ILDR2: variants seen among roughly 807,000 people sequenced by gnomAD.
ILDR2 encodes the protein immunoglobulin like domain containing receptor 2, also known as immunoglobulin-like domain-containing receptor 2.
Under a neutral mutation model 66.8 loss-of-function variants are expected in ILDR2, and 25 were observed. That is an observed-to-expected ratio of 0.37 (90% CI 0.27 to 0.52). The LOEUF (loss-of-function observed/expected upper bound fraction) is 0.52. Among genes scored for constraint, ILDR2 ranks in the 20% least tolerant of loss-of-function variants. The pLI is 0.88. For synonymous variants in ILDR2, 367 were observed against 357.2 expected, an observed-to-expected ratio of 1.03 and a Z score of -0.31; for missense variants, 827 against 876.8, an observed-to-expected ratio of 0.94 and a Z score of 0.72.
At chr1:166,961,274 T>C (rs970890516) in intron 1 of ILDR2, among the ~76,000 whole-genome samples, 2 of 152,180 alleles carry the variant, frequency 1.3e-5, no homozygotes, top group Non-Finnish European at 2.9e-5. Context: ...GTTTGGGGTT[T>C]TGTTCATTAG....
At chr1:166,942,221 G>A (rs904305337) in intron 3 of ILDR2, among the ~76,000 whole-genome samples, 2 of 152,140 alleles carry the variant, frequency 1.3e-5, no homozygotes, top group Non-Finnish European at 2.9e-5. Flanking sequence ...TTCTAGTTTG[G>A]ACAATTAATT....
intron 1 of ILDR2, among the ~76,000 whole-genome samples, chr1:166,960,997 A>T (rs1662579068): frequency 6.6e-6 from 1 of 152,226 alleles, no homozygotes; most frequent in Non-Finnish European, 1.5e-5. Flanking sequence ...ATAACCACTC[A>T]CAGGCACCAT....
Position 166,917,927 on chromosome 1 carries a change from C to G in ILDR2, c.*1428G>C, listed in dbSNP as rs1300186389. 1 of 152,150 alleles carries G rather than the reference C, an allele frequency of 6.6e-6. No homozygotes were observed. Among genetic ancestry groups the G allele is most frequent in the Non-Finnish European group, 1.5e-5 (1 of 68,044 alleles). 9.4% of individuals were successfully genotyped at this position (152,150 alleles called of 1,614,324 possible). ...GTAGTTGCAAGGTTCCCAAGAGCAG[C>G]AAAAGAGGACAAGCCCCATGCACAA... On this transcript the variant is annotated 3_prime_UTR_variant, in exon 10 of 10. Coordinates refer to ENST00000271417, the MANE Select transcript of ILDR2 (RefSeq NM_199351.3).
In ILDR2 at chr1:166,909,781, T is replaced by TATAAATATATATAAATATA. The variant is rs1557921377; in HGVS notation, c.*9573_*9574insTATATTTATATATATTTAT. 1.6e-5 allele frequency: 1 copy of TATAAATATATATAAATATA among 64,246 alleles called. No individual in the cohort carries two copies. The highest frequency in any genetic ancestry group is 1.6e-4 in the Admixed American group (1 of 6,336). The allele number at this position is 64,246 out of a possible 1,614,324, so 4.0% of individuals were successfully genotyped here. On this transcript the variant is annotated 3_prime_UTR_variant, in exon 10 of 10. Transcript: ENST00000271417. ...TATAAATATATATAAATATATATAT[T>TATAAATATATATAAATATA]TATATATATATATATATATATATAT... is the stretch of plus-strand genomic sequence containing the variant.
intron 2 of ILDR2, among the ~76,000 whole-genome samples, chr1:166,898,893 TAA>T (rs36031893): frequency 2.2e-5 from 3 of 137,728 alleles, no homozygotes; most frequent in African/African-American, 2.7e-5. Context: ...GATCCCATCT[TAA>T]AAAAAAAAAA....
chr1:166,919,045 A>T lies in ILDR2; in HGVS notation c.*310T>A. ...AGAGCTAACTCTCTTTCAGAATTGC[A>T]AATGGAGTCCTGGTTCTGTTAAGGG... On this transcript the variant is annotated 3_prime_UTR_variant, in exon 10 of 10. Coordinates refer to ENST00000271417, the MANE Select transcript of ILDR2 (RefSeq NM_199351.3). The T allele has an allele frequency of 2.2e-6, 1 of 445,668 alleles. No homozygotes were observed. Among genetic ancestry groups the T allele is most frequent in the East Asian group, 3.3e-5 (1 of 30,520 alleles). 27.6% of individuals were successfully genotyped at this position (445,668 alleles called of 1,614,324 possible).
intron 4 of ILDR2, among the ~76,000 whole-genome samples, chr1:166,937,992 A>G (rs1245970861): frequency 6.6e-6 from 1 of 152,212 alleles, no homozygotes; most frequent in Non-Finnish European, 1.5e-5. Flanking sequence ...TTTAGATCAT[A>G]ATTTCCTCAG....
chr1:166,946,036 A>G (rs1341556801), intron 3 of ILDR2, among the ~76,000 whole-genome samples: 1 of 152,086 alleles, frequency 6.6e-6, no homozygotes, highest in Admixed American at 6.5e-5. Context: ...TCATCTCCTA[A>G]CCCTCCAAAA....
At chr1:166,958,974 T>C (rs1662447997) in intron 1 of ILDR2, among the ~76,000 whole-genome samples, 1 of 152,164 alleles carries the variant, frequency 6.6e-6, no homozygotes, top group Admixed American at 6.5e-5. Flanking sequence ...CTAGTTCCTC[T>C]TACCGCCTCA....
At chr1:166,902,101 A>G (rs894009407) in intron 2 of ILDR2, among the ~76,000 whole-genome samples, 1 of 152,152 alleles carries the variant, frequency 6.6e-6, no homozygotes, top group African/African-American at 2.4e-5. Flanking sequence ...CTCAGGTGAT[A>G]CACCCGCCTT....
In ILDR2 at chr1:166,936,814, C is replaced by T. The variant is rs551639808; in HGVS notation, c.557-77G>A. 23 of 1,432,868 alleles carry T rather than the reference C, an allele frequency of 1.6e-5. No individual in the cohort carries two copies. Among genetic ancestry groups the T allele is most frequent in the South Asian group, 6.0e-5 (5 of 83,120 alleles). The allele number at this position is 1,432,868 out of a possible 1,614,324, so 88.8% of individuals were successfully genotyped here. A position where few individuals can be genotyped will look rare whatever the true frequency, so the allele number is the denominator to read the frequency against. ...AGGGTGCACTTTGATTGGCATCTCC[C>T]GGTGAAAGGGGGAGAGGAGGAGGGA... On this transcript the variant is annotated intron_variant, in intron 4 of 9. Transcript: ENST00000271417. This position sits in a 1 kb window ranked among gnomAD's most constrained non-coding sequence, Gnocchi z 5.0.
intron 3 of ILDR2, among the ~76,000 whole-genome samples, chr1:166,944,581 G>A (rs1334591865): frequency 3.3e-5 from 5 of 152,110 alleles, no homozygotes; most frequent in Non-Finnish European, 7.4e-5. Context: ...CATTGTCTTT[G>A]CACATTTCAC....
rs1445930115 is a variant in ILDR2 at position 166,915,678 on chromosome 1, A to G, written c.*3677T>C. On this transcript the variant is annotated 3_prime_UTR_variant, in exon 10 of 10. Transcript: ENST00000271417. ...GTGAGGGGCGGTGGTAAATTACAAC[A>G]GTATCTGTGACTTCAGCTTCTCTCA... The G allele has an allele frequency of 6.6e-6, 1 of 152,216 alleles. No individual in the cohort carries two copies. The highest frequency in any genetic ancestry group is 1.5e-5 in the Non-Finnish European group (1 of 68,048). The allele number at this position is 152,216 out of a possible 1,614,324, so 9.4% of individuals were successfully genotyped here.
rs759364500 is a variant in ILDR2 at position 166,921,319 on chromosome 1, G to C, written c.1272C>G (p.Ala424=). 1.3e-6 allele frequency: 2 copies of C among 1,589,888 alleles called. No individual in the cohort carries two copies. The highest frequency in any genetic ancestry group is 2.3e-5 in the East Asian group (1 of 43,912). ...AGGCCGCCAGCTCGTCCATGGAAAC[G>C]GCCGGCACCCCCGTGGCGAAGTTCT... is the stretch of plus-strand genomic sequence containing the variant. ...SRKNFATGVP[A]VSMDELAAFA... Residue 424 remains alanine (A), a synonymous_variant, in exon 9 of 10, where the codon GCC becomes GCG. Transcript: ENST00000271417. The surrounding 1 kb of genome is among the most constrained non-coding windows in gnomAD (Gnocchi z 5.3).
At chr1:166,922,541 T>A in intron 8 of ILDR2, 52 bp downstream of exon 8, 1 of 1,491,370 alleles carries the variant, frequency 6.7e-7, no homozygotes. Context: ...CTACCCTGCC[T>A]TCCAGCTCCT....
In ILDR2 at chr1:166,936,767, C is replaced by T. The variant is rs775140508; in HGVS notation, c.557-30G>A. 28 of 1,612,022 alleles carry T rather than the reference C, an allele frequency of 1.7e-5. No homozygotes were observed. In the East Asian group the frequency reaches 2.7e-4, roughly 15 times the overall value. On this transcript the variant is annotated intron_variant, in intron 4 of 9. Transcript: ENST00000271417. This position sits in a 1 kb window ranked among gnomAD's most constrained non-coding sequence, Gnocchi z 5.0. ...AAGGATGCACAAAGAAATCCACACT[C>T]GAGGCAGCCCACCTCCAGGGCAGGG... is the stretch of plus-strand genomic sequence containing the variant.
At chr1:166,948,397 C>T (rs1036615061) in intron 3 of ILDR2, among the ~76,000 whole-genome samples, 1 of 152,164 alleles carries the variant, frequency 6.6e-6, no homozygotes, top group Non-Finnish European at 1.5e-5. Flanking sequence ...AAAGTCTTCC[C>T]AAGCTCACCC....
intron 3 of ILDR2, among the ~76,000 whole-genome samples, chr1:166,952,798 C>T (rs17403380): frequency 0.065 from 9,820 of 152,132 alleles, 656 homozygotes; most frequent in Admixed American, 0.21. Flanking sequence ...TATTCTATAG[C>T]TTCTTCATAC....
chr1:166,921,287 T>C lies in ILDR2; in HGVS notation c.1304A>G (p.Asp435Gly), dbSNP rs747346459. ...VSMDELAAFA[D>G]SYGQRPRRAD... ...CCGGCGGGGCCGCTGGCCGTAGGAG[T>C]CAGCGAAGGCCGCCAGCTCGTCCAT... The change falls in exon 9 of 10, where the codon GAC becomes GGC. Residue 435 changes from aspartate (D) to glycine (G), a missense_variant. Transcript: ENST00000271417. The surrounding 1 kb of genome is among the most constrained non-coding windows in gnomAD (Gnocchi z 5.3). 2.5e-6 allele frequency: 4 copies of C among 1,597,110 alleles called. No homozygotes were observed. Among genetic ancestry groups the C allele is most frequent in the South Asian group, 1.1e-5 (1 of 90,228 alleles).
Sources: gnomAD v4.1 joint callset for allele counts (sites outside exome capture counted in the v4.1 genomes callset) on GRCh38, gnomAD v4.1.1 for gene constraint, Gnocchi (gnomAD v3.1) non-coding constraint, MANE v1.5 for transcripts, NCBI Gene and HGNC (gene_info 2026-07-23, HGNC 2026-07-21) for gene names.